The following KANK1 variants were observed in gnomAD, a reference collection of about 807,000 sequenced individuals.
KANK1 encodes the protein KN motif and ankyrin repeat domains 1.
A neutral mutation model predicts 106.2 loss-of-function variants in KANK1; 109 were observed. That is an observed-to-expected ratio of 1.03 (90% CI 0.88 to 1.20). KANK1 has a LOEUF of 1.20. KANK1 is among the 50% of genes most tolerant of loss of function. The pLI, the probability that KANK1 is intolerant of heterozygous loss-of-function variation, is 0.00. For synonymous variants in KANK1, 873 were observed against 652.2 expected (o/e 1.34, Z -5.16); for missense variants, 2,399 against 1,710.7 (o/e 1.40, Z -7.10).
Position 551,520 on chromosome 9 carries a change from G to C in KANK1, c.-84+46766G>C, listed in dbSNP as rs376349177. 5.3e-5 allele frequency among the ~76,000 whole-genome samples: 8 copies of C among 152,286 alleles called. No individual in the cohort carries two copies. In the East Asian group the frequency reaches 9.7e-4, roughly 18 times the overall value. On this transcript the variant is annotated intron_variant, in intron 1 of 11. Transcript: ENST00000382297. ...GCACATCTGTGAACCCAACTGATCT[G>C]AAAGTGTTTACCTCTTAACTCTGTG...
chr9:731,706 C>T (rs1456840188), intron 5 of KANK1: 1 of 154,132 alleles, frequency 6.5e-6, no homozygotes, highest in Non-Finnish European at 1.4e-5. Flanking sequence ...AATTGTAGGG[C>T]CTTTCACAAT....
chr9:510,638 G>A (rs113198121), intron 1 of KANK1, among the ~76,000 whole-genome samples: 4 of 152,216 alleles, frequency 2.6e-5, no homozygotes, highest in African/African-American at 9.6e-5. Context: ...TTGACCACTG[G>A]ACAGTGGGGT....
intron 1 of KANK1, among the ~76,000 whole-genome samples, chr9:626,185 C>T (rs888237118): frequency 5.3e-5 from 8 of 152,072 alleles, no homozygotes; most frequent in South Asian, 4.1e-4. Flanking sequence ...ATTGTGCGTC[C>T]GGGTGCAGTG....
At chr9:599,331 T>C (rs192609999) in intron 1 of KANK1, among the ~76,000 whole-genome samples, 5 of 151,888 alleles carry the variant, frequency 3.3e-5, no homozygotes, top group Admixed American at 2.6e-4. Context: ...AATATTATTT[T>C]TATTTTTTAA....
Position 713,021 on chromosome 9 carries a change from C to T in KANK1, c.2255C>T (p.Ser752Leu), listed in dbSNP as rs761714605. 7 of 1,614,162 alleles carry T rather than the reference C, an allele frequency of 4.3e-6. No homozygotes were observed. The East Asian group carries it at 1.6e-4, about 36-fold the overall frequency. ...LSGHSGFDRPSAVKTKESGVG... is the reference protein window; with the variant it reads ...LSGHSGFDRPLAVKTKESGVG... ...GGCCATTCTGGGTTTGACAGGCCAT[C>T]AGCTGTGAAGACCAAAGAGTCAGGT... The change falls in exon 3 of 12, where the codon TCA becomes TTA. Residue 752 changes from serine (S) to leucine (L), a missense_variant. Ser to Leu is a moderately radical substitution (Grantham distance 145, BLOSUM62 -2). Transcript: ENST00000382297.
chr9:737,654 CT>C (rs538947215), intron 7 of KANK1, among the ~76,000 whole-genome samples: 176 of 152,238 alleles, frequency 1.2e-3, no homozygotes, highest in Admixed American at 3.5e-3. Flanking sequence ...TTTATTTTCC[CT>C]TTCCGTGGTT....
intron 1 of KANK1, among the ~76,000 whole-genome samples, chr9:522,678 C>G (rs932734505): frequency 3.3e-5 from 5 of 151,706 alleles, no homozygotes; most frequent in African/African-American, 1.2e-4. Context: ...GGACTTCATG[C>G]TGACTTTTGG....
At chr9:507,407 C>T (rs2058811269) in intron 1 of KANK1, among the ~76,000 whole-genome samples, 1 of 152,074 alleles carries the variant, frequency 6.6e-6, no homozygotes, top group Non-Finnish European at 1.5e-5. Flanking sequence ...CCCAGCCCTG[C>T]CGACGGAGTT....
intron 1 of KANK1, among the ~76,000 whole-genome samples, chr9:642,048 G>T (rs1300287714): frequency 2.0e-5 from 3 of 152,108 alleles, no homozygotes; most frequent in Non-Finnish European, 4.4e-5. Context: ...GTGTCCATGG[G>T]TATATTAAAT....
At chr9:529,345 A>G (rs554692933) in intron 1 of KANK1, among the ~76,000 whole-genome samples, 45 of 150,924 alleles carry the variant, frequency 3.0e-4, no homozygotes, top group African/African-American at 1.0e-3. Context: ...CTGGAGTGCA[A>G]TGGCGCCACC....
chr9:611,467 G>A (rs967212993), intron 1 of KANK1, among the ~76,000 whole-genome samples: 2 of 152,302 alleles, frequency 1.3e-5, no homozygotes, highest in East Asian at 1.9e-4. Flanking sequence ...TGTCTCTCAT[G>A]CTTTTCAGAT....
chr9:519,455 G>C (rs1050702475), intron 1 of KANK1, among the ~76,000 whole-genome samples: 7 of 151,592 alleles, frequency 4.6e-5, no homozygotes, highest in Non-Finnish European at 1.0e-4. Context: ...GTTTTTCTTT[G>C]GCTTCTAGAG....
At chr9:607,505 AAAG>A (rs1182334021) in intron 1 of KANK1, among the ~76,000 whole-genome samples, 6 of 151,116 alleles carry the variant, frequency 4.0e-5, no homozygotes, top group African/African-American at 1.2e-4. Flanking sequence ...AAAAAAAAAA[AAAG>A]GAGATGGCTA....
At chr9:678,466 C>T (rs116656495) in intron 2 of KANK1, among the ~76,000 whole-genome samples, 1,980 of 152,248 alleles carry the variant, frequency 0.013, 46 homozygotes, top group African/African-American at 0.046. Flanking sequence ...CAGTGGCTCA[C>T]ACCTGTAATC....
chr9:575,303 C>G (rs1254161379), intron 1 of KANK1, among the ~76,000 whole-genome samples: 1 of 152,162 alleles, frequency 6.6e-6, no homozygotes, highest in African/African-American at 2.4e-5. Context: ...CAGTATTTGC[C>G]TGAGGTCAGT....
intron 1 of KANK1, among the ~76,000 whole-genome samples, chr9:564,968 T>G (rs1817456615): frequency 6.6e-6 from 1 of 152,172 alleles, no homozygotes; most frequent in Non-Finnish European, 1.5e-5. Flanking sequence ...ACAAAGAGTG[T>G]GTGCAGGGCG....
chr9:506,545 TGTGC>T (rs930630609), intron 1 of KANK1, among the ~76,000 whole-genome samples: 2 of 151,900 alleles, frequency 1.3e-5, no homozygotes, highest in East Asian at 3.9e-4. Flanking sequence ...TGTGTGTGTG[TGTGC>T]GTGTGCGTGC....
intron 3 of KANK1, among the ~76,000 whole-genome samples, chr9:727,728 G>T (rs188027202): frequency 1.4e-3 from 210 of 151,354 alleles, no homozygotes; most frequent in Non-Finnish European, 2.7e-3. Context: ...ATGTGTGTGT[G>T]TGGTAATGTA....
intron 1 of KANK1, among the ~76,000 whole-genome samples, chr9:543,910 T>C (rs1310068986): frequency 6.6e-6 from 1 of 152,242 alleles, no homozygotes; most frequent in African/African-American, 2.4e-5. Context: ...ATCTCTTTAA[T>C]CCTGATAATT....
Sources: allele counts gnomAD v4.1 joint callset (sites outside exome capture counted in the v4.1 genomes callset), GRCh38; gene constraint gnomAD v4.1.1; transcripts MANE v1.5; gene names NCBI Gene and HGNC (gene_info 2026-07-23, HGNC 2026-07-21).